Variants in PPEF1 observed in about 807,000 individuals in gnomAD.
PPEF1 encodes serine/threonine-protein phosphatase with EF-hands 1.
In PPEF1, 12 loss-of-function variants were observed where a neutral mutation model predicts 53.3. That is an observed-to-expected ratio of 0.23 (90% CI 0.14 to 0.36). PPEF1 has a LOEUF of 0.36. PPEF1 is among the 10% of genes least tolerant of loss of function. The pLI is 1.00. For missense variants in PPEF1, 334 were observed against 490.4 expected (o/e 0.68, Z 3.01); for synonymous variants, 165 against 176.7 (o/e 0.93, Z 0.52).
intron 12 of PPEF1, among the ~76,000 whole-genome samples, chrX:18,811,408 A>G (rs2046799673): frequency 9.1e-6 from 1 of 109,588 alleles, no homozygotes; most frequent in Admixed American, 9.9e-5. Flanking sequence ...ATCTCATTGT[A>G]GTGTTGCGTT....
chrX:18,799,065 G>A (rs775440709), intron 10 of PPEF1, among the ~76,000 whole-genome samples: 2 of 111,192 alleles, frequency 1.8e-5, no homozygotes, highest in Admixed American at 9.5e-5. Flanking sequence ...GTGAAACCCC[G>A]TCTCTACTAA....
chrX:18,712,812 A>G (rs1218323420), intron 1 of PPEF1, among the ~76,000 whole-genome samples: 1 of 111,686 alleles, frequency 9.0e-6, no homozygotes, highest in Admixed American at 9.5e-5. Context: ...TGATTTTTTT[A>G]TTATTACAAA....
intron 12 of PPEF1, among the ~76,000 whole-genome samples, chrX:18,811,051 T>G (rs1258920920): frequency 8.9e-6 from 1 of 112,209 alleles, no homozygotes; most frequent in African/African-American, 3.2e-5. Context: ...TGATCTCTTT[T>G]TATTTATTTA....
At chrX:18,680,267 G>A (rs938510904), upstream of PPEF1, among the ~76,000 whole-genome samples, 1 of 109,470 alleles carries the variant, frequency 9.1e-6, no homozygotes, top group Non-Finnish European at 1.9e-5. Context: ...AGATCACGCT[G>A]TTGCTTGTTC....
At chrX:18,755,611 A>T (rs746151775) in intron 4 of PPEF1, among the ~76,000 whole-genome samples, 1 of 110,185 alleles carries the variant, frequency 9.1e-6, no homozygotes. Flanking sequence ...AGTTTTTAGT[A>T]TATTAAAAAT....
chrX:18,792,938 C>T (rs1181432623), intron 10 of PPEF1, among the ~76,000 whole-genome samples: 2 of 110,752 alleles, frequency 1.8e-5, no homozygotes, highest in Non-Finnish European at 3.8e-5. Flanking sequence ...GTTACAAAGT[C>T]ATTTACAGCA....
intron 6 of PPEF1, among the ~76,000 whole-genome samples, chrX:18,766,893 CA>C (rs34928610): frequency 0.49 from 52,559 of 108,189 alleles, 9,720 homozygotes; most frequent in Non-Finnish European, 0.54. Context: ...CTACTAAATA[CA>C]AAAAAAAATT....
At chrX:18,773,249 T>C (rs777118078) in intron 6 of PPEF1, among the ~76,000 whole-genome samples, 1 of 112,553 alleles carries the variant, frequency 8.9e-6, no homozygotes, top group Non-Finnish European at 1.9e-5. Flanking sequence ...TGTTCTTTTA[T>C]TGACTATAAG....
chrX:18,698,627 A>G (rs1202670269), intron 5 of PPEF1, among the ~76,000 whole-genome samples: 2 of 111,795 alleles, frequency 1.8e-5, no homozygotes, highest in African/African-American at 6.5e-5. Flanking sequence ...TGTACTAAAA[A>G]TACAAAAATT....
At chrX:18,680,326 CCTGA>C (rs1928829149), upstream of PPEF1, among the ~76,000 whole-genome samples, 1 of 110,089 alleles carries the variant, frequency 9.1e-6, no homozygotes, top group Non-Finnish European at 1.9e-5. Context: ...TGAGGCCTTT[CCTGA>C]CTGTCTACTG....
In PPEF1 at chrX:18,806,589, C is replaced by T. The variant is rs372828344; in HGVS notation, c.1394+44C>T. The T allele has an allele frequency of 2.1e-5, 23 of 1,099,308 alleles. No homozygotes were observed. The Middle Eastern group carries it at 1.0e-3, about 49-fold the overall frequency. The allele number at this position is 1,099,308 out of a possible 1,213,427, so 90.6% of individuals were successfully genotyped here. On this transcript the variant is annotated intron_variant, in intron 12 of 15. Coordinates refer to ENST00000470157, the MANE Select transcript of PPEF1 (RefSeq NM_001377996.1). ...GAGTGCTGAGCACTGGTATCACGGA[C>T]CCATTAGAACCAGTCCCACGTGACT... is the stretch of plus-strand genomic sequence containing the variant.
intron 3 of PPEF1, among the ~76,000 whole-genome samples, chrX:18,745,067 T>C (rs1355526414): frequency 1.0e-5 from 1 of 96,111 alleles, no homozygotes; most frequent in Non-Finnish European, 2.0e-5. Context: ...ATATATTCCA[T>C]ATAATTATAT....
In PPEF1 at chrX:18,779,147, G is replaced by A. The variant is rs757446404; in HGVS notation, c.696G>A (p.Gly232=). ...VYPNDLHLNR[G]NHEDFMMNLR... is the part of the protein sequence containing the mutation. ...CCAATGACCTGCACTTGAACAGAGG[G>A]AACCACGAAGATTTTATGATGAATC... The change falls in exon 7 of 16, where the codon GGG becomes GGA. Residue 232 remains glycine (G), a synonymous_variant. Coordinates refer to ENST00000470157, the MANE Select transcript of PPEF1 (RefSeq NM_001377996.1). The A allele has an allele frequency of 3.3e-6, 4 of 1,203,819 alleles. No individual in the cohort carries two copies. The Admixed American group carries it at 8.9e-5, about 27-fold the overall frequency.
intron 6 of PPEF1, among the ~76,000 whole-genome samples, chrX:18,763,146 G>A (rs1292038962): frequency 9.0e-6 from 1 of 111,602 alleles, no homozygotes; most frequent in Non-Finnish European, 1.9e-5. Flanking sequence ...GAGTCCTGAA[G>A]ACCTTCCTCT....
chrX:18,811,875 G>A (rs1422716331), intron 12 of PPEF1, among the ~76,000 whole-genome samples: 1 of 110,643 alleles, frequency 9.0e-6, no homozygotes, highest in Non-Finnish European at 1.9e-5. Flanking sequence ...CCAAAGTGCT[G>A]GGATTACAGG....
upstream of PPEF1, among the ~76,000 whole-genome samples, chrX:18,705,070 T>C (rs187453735): frequency 6.5e-3 from 726 of 112,009 alleles, 7 homozygotes; most frequent in African/African-American, 0.022. Context: ...TTCCTTCCTT[T>C]CTTCCTCCCC....
intron 5 of PPEF1, among the ~76,000 whole-genome samples, chrX:18,759,462 A>G (rs1383465952): frequency 9.0e-6 from 1 of 111,681 alleles, no homozygotes; most frequent in African/African-American, 3.3e-5. Context: ...TTCAGCATGC[A>G]TGAAATATAA....
chrX:18,767,529 A>T (rs1255207508), intron 6 of PPEF1, among the ~76,000 whole-genome samples: 1 of 112,306 alleles, frequency 8.9e-6, no homozygotes, highest in Non-Finnish European at 1.9e-5. Flanking sequence ...TGGGCAACAG[A>T]GCGAGACTCC....
chrX:18,706,705 C>T (rs1475432945), upstream of PPEF1, among the ~76,000 whole-genome samples: 1 of 110,028 alleles, frequency 9.1e-6, no homozygotes, highest in Non-Finnish European at 1.9e-5. Flanking sequence ...GTGATCACAC[C>T]ACTGCACTCC....
Sources: allele counts gnomAD v4.1 joint callset (sites outside exome capture counted in the v4.1 genomes callset), GRCh38; gene constraint gnomAD v4.1.1; transcripts MANE v1.5; gene names NCBI Gene and HGNC (gene_info 2026-07-23, HGNC 2026-07-21).